LMX1A: variants seen among roughly 807,000 people sequenced by gnomAD.
LMX1A encodes the protein LIM homeobox transcription factor 1 alpha.
A neutral mutation model predicts 49.1 loss-of-function variants in LMX1A; 15 were observed. The ratio of observed to expected loss-of-function variants is 0.31; its 90% CI spans 0.20 to 0.47. LMX1A has a LOEUF of 0.47. Among genes scored for constraint, LMX1A ranks in the 20% least tolerant of loss-of-function variants. LMX1A has a pLI of 1.00. For missense variants in LMX1A, 372 were observed against 475.8 expected, an observed-to-expected ratio of 0.78 and a Z score of 2.03; for synonymous variants, 167 against 185.7, an observed-to-expected ratio of 0.90 and a Z score of 0.82.
In LMX1A at chr1:165,326,185, G is replaced by T. The variant is rs536180525; in HGVS notation, c.263+26891C>A. Among the ~76,000 whole-genome samples the T allele has an allele frequency of 4.6e-5, 7 of 152,332 alleles. No individual in the cohort carries two copies. In the East Asian group the frequency reaches 1.4e-3, roughly 29 times the overall value. ...GTGGAAATGATGATTAAAGGAGCTAGAGACGGGGAGGAGGGGAAGGGGGGT... is the reference window on the plus strand; with the variant it reads ...GTGGAAATGATGATTAAAGGAGCTATAGACGGGGAGGAGGGGAAGGGGGGT... On this transcript the variant is annotated intron_variant, in intron 3 of 8. Transcript: ENST00000342310.
intron 4 of LMX1A, among the ~76,000 whole-genome samples, chr1:165,228,728 A>G (rs979474712): frequency 1.3e-5 from 2 of 152,220 alleles, no homozygotes; most frequent in African/African-American, 4.8e-5. Context: ...CATTCACCCC[A>G]GGATTTAGGC....
chr1:165,218,568 C>T (rs1651722731), intron 4 of LMX1A: 1 of 152,314 alleles, frequency 6.6e-6, no homozygotes, highest in Admixed American at 6.5e-5. Context: ...GGGGTGCTCA[C>T]TGAGGCTTTT....
At position 165,220,528 on chromosome 1, in the gene LMX1A, T is replaced by C. The variant is rs528275297; in HGVS notation, c.497-6715A>G. On this transcript the variant is annotated intron_variant, in intron 4 of 8. Transcript: ENST00000342310. ...CTTCCACCTAACCGAGGAATAAACA[T>C]AGCCTCAAAGAGGTGCAGAAACCTG... is the stretch of plus-strand genomic sequence containing the variant. Among the ~76,000 whole-genome samples the C allele has an allele frequency of 6.1e-4, 93 of 152,222 alleles. 2 individuals carry two copies. Among genetic ancestry groups the C allele is most frequent in the African/African-American group, 2.2e-3 (90 of 41,526 alleles).
chr1:165,204,417 A>G (rs1650984554), intron 8 of LMX1A, among the ~76,000 whole-genome samples: 1 of 152,194 alleles, frequency 6.6e-6, no homozygotes, highest in Non-Finnish European at 1.5e-5. Flanking sequence ...AAACAAAACA[A>G]AAAGAAAGCT....
intron 4 of LMX1A, chr1:165,215,840 T>C (rs915266497): frequency 4.6e-5 from 7 of 152,214 alleles, no homozygotes; most frequent in African/African-American, 1.7e-4. Flanking sequence ...GTGCAAGTTA[T>C]GTCATGTTGC....
intron 3 of LMX1A, among the ~76,000 whole-genome samples, chr1:165,346,078 C>G (rs1047890015): frequency 6.6e-6 from 1 of 152,136 alleles, no homozygotes; most frequent in Non-Finnish European, 1.5e-5. Flanking sequence ...GTGGTCCATT[C>G]CCAGCAAAGC....
At chr1:165,236,251 G>A (rs58309659) in intron 4 of LMX1A, among the ~76,000 whole-genome samples, 19,879 of 152,054 alleles carry the variant, frequency 0.13, 1,840 homozygotes, top group African/African-American at 0.26. Flanking sequence ...TCCGCGTGCT[G>A]GGTTAGGGCC....
intron 3 of LMX1A, among the ~76,000 whole-genome samples, chr1:165,347,938 A>G (rs1358917939): frequency 2.4e-5 from 3 of 127,216 alleles, no homozygotes; most frequent in African/African-American, 7.5e-5. Context: ...GTCATTAGAG[A>G]AACAGCTCCT....
At chr1:165,349,121 C>A (rs1213999560) in intron 3 of LMX1A, among the ~76,000 whole-genome samples, 1 of 152,222 alleles carries the variant, frequency 6.6e-6, no homozygotes, top group African/African-American at 2.4e-5. Flanking sequence ...GAGGGCTCCG[C>A]CTGACCCACA....
At chr1:165,267,216 C>A (rs530470452) in intron 3 of LMX1A, among the ~76,000 whole-genome samples, 2 of 152,180 alleles carry the variant, frequency 1.3e-5, no homozygotes. Flanking sequence ...TACTGATATA[C>A]CTGATCTGGA....
At chr1:165,263,528 T>C (rs1345866607) in intron 3 of LMX1A, among the ~76,000 whole-genome samples, 5 of 152,242 alleles carry the variant, frequency 3.3e-5, no homozygotes, top group Non-Finnish European at 5.9e-5. Context: ...GACAGTCATT[T>C]TGCATTATCT....
Position 165,206,024 on chromosome 1 carries a change from G to C in LMX1A, c.828C>G (p.Asn276Lys), listed in dbSNP as rs1216976452. ...NTQRLSSAQT[N>K]GGGSAGMEGI... Reference sequence around the variant, plus strand: ...CTTCCATCCCAGCACTCCCACCACCGTTTGTCTGAGCTGTGGAACAAAGAA... The same window carrying C: ...CTTCCATCCCAGCACTCCCACCACCCTTTGTCTGAGCTGTGGAACAAAGAA... The change falls in exon 8 of 9, where the codon AAC becomes AAG. Residue 276 changes from asparagine (N) to lysine (K), a missense_variant. Asn to Lys is a moderately conservative substitution (Grantham distance 94). Transcript: ENST00000342310. The C allele has an allele frequency of 1.3e-6, 2 of 1,562,110 alleles. No homozygotes were observed. The highest frequency in any genetic ancestry group is 1.9e-5 in the Admixed American group (1 of 52,536).
chr1:165,303,587 C>T (rs1350119291), intron 3 of LMX1A, among the ~76,000 whole-genome samples: 1 of 152,208 alleles, frequency 6.6e-6, no homozygotes, highest in Non-Finnish European at 1.5e-5. Flanking sequence ...GCTTCGGCAG[C>T]CCAATGACTT....
chr1:165,305,980 G>A (rs1225214871), intron 3 of LMX1A, among the ~76,000 whole-genome samples: 1 of 152,154 alleles, frequency 6.6e-6, no homozygotes, highest in East Asian at 1.9e-4. Context: ...AAGGACCAAG[G>A]AGAAGTACAA....
intron 3 of LMX1A, among the ~76,000 whole-genome samples, chr1:165,252,268 A>G (rs1653088450): frequency 6.6e-6 from 1 of 152,214 alleles, no homozygotes; most frequent in South Asian, 2.1e-4. Flanking sequence ...ATAACATAAT[A>G]TATATAAACA....
At chr1:165,207,766 G>A (rs1488479804) in intron 7 of LMX1A, among the ~76,000 whole-genome samples, 2 of 152,160 alleles carry the variant, frequency 1.3e-5, no homozygotes, top group Non-Finnish European at 2.9e-5. Flanking sequence ...GAAACTGAAC[G>A]TATCTGTGAC....
chr1:165,345,755 G>A (rs1016353704), intron 3 of LMX1A, among the ~76,000 whole-genome samples: 1 of 152,180 alleles, frequency 6.6e-6, no homozygotes, highest in African/African-American at 2.4e-5. Context: ...TAGGCCAGGT[G>A]CAGTAGCTCA....
intron 3 of LMX1A, among the ~76,000 whole-genome samples, chr1:165,253,609 T>G (rs1273634937): frequency 1.3e-5 from 2 of 152,204 alleles, no homozygotes; most frequent in Non-Finnish European, 2.9e-5. Flanking sequence ...GGATTGGAAG[T>G]GCTTGTGCTG....
At chr1:165,236,950 G>C (rs979719762) in intron 4 of LMX1A, among the ~76,000 whole-genome samples, 4 of 151,394 alleles carry the variant, frequency 2.6e-5, no homozygotes, top group Non-Finnish European at 4.4e-5. Flanking sequence ...CATTTATTTA[G>C]TTATTGATGG....
Sources: allele counts gnomAD v4.1 joint callset (sites outside exome capture counted in the v4.1 genomes callset), GRCh38; gene constraint gnomAD v4.1.1; transcripts MANE v1.5; gene names NCBI Gene and HGNC (gene_info 2026-07-23, HGNC 2026-07-21).